DDR2: variants seen among roughly 807,000 people sequenced by gnomAD.
DDR2 encodes the protein discoidin domain-containing receptor 2.
DDR2 carries 27 observed loss-of-function variants against 94.9 expected under a neutral mutation model. The ratio of observed to expected loss-of-function variants is 0.28; its 90% CI spans 0.21 to 0.39. The LOEUF (loss-of-function observed/expected upper bound fraction) is 0.39. Ranked by LOEUF, DDR2 falls within the 10% of genes least tolerant of loss-of-function variation. DDR2 has a pLI of 1.00. For missense variants in DDR2, 783 were observed against 1,076.0 expected (o/e 0.73, Z 3.81); for synonymous variants, 382 against 377.2 (o/e 1.01, Z -0.15).
chr1:162,731,979 G>T (rs914464422), intron 3 of DDR2, among the ~76,000 whole-genome samples: 8 of 152,188 alleles, frequency 5.3e-5, no homozygotes, highest in African/African-American at 1.9e-4. Context: ...GGGGAAAGGA[G>T]ATACTATTTA....
At chr1:162,746,417 G>A (rs1304779577) in intron 3 of DDR2, among the ~76,000 whole-genome samples, 1 of 152,224 alleles carries the variant, frequency 6.6e-6, no homozygotes, top group Non-Finnish European at 1.5e-5. Flanking sequence ...AGCGAGGCTG[G>A]GGGAGGGGCC....
intron 3 of DDR2, among the ~76,000 whole-genome samples, chr1:162,730,410 A>G (rs371601734): frequency 2.6e-5 from 4 of 152,308 alleles, no homozygotes; most frequent in African/African-American, 9.6e-5. Flanking sequence ...TACATAAAGG[A>G]AAATGTGGTT....
chr1:162,688,850 C>A (rs12036048), intron 2 of DDR2, among the ~76,000 whole-genome samples: 1 of 152,010 alleles, frequency 6.6e-6, no homozygotes, highest in Non-Finnish European at 1.5e-5. Flanking sequence ...TCCCTTGGCA[C>A]CTGCCAGTCA....
intron 2 of DDR2, among the ~76,000 whole-genome samples, chr1:162,664,624 A>G (rs933769988): frequency 6.6e-6 from 1 of 152,220 alleles, no homozygotes; most frequent in Non-Finnish European, 1.5e-5. Flanking sequence ...ACAATCAATG[A>G]TGTAAAAGTA....
At chr1:162,680,294 G>A (rs1659340771) in intron 2 of DDR2, among the ~76,000 whole-genome samples, 1 of 152,118 alleles carries the variant, frequency 6.6e-6, no homozygotes, top group Non-Finnish European at 1.5e-5. Context: ...AATCCATCTT[G>A]AGTTGATTTT....
chr1:162,712,077 T>A (rs1660941411), intron 2 of DDR2, among the ~76,000 whole-genome samples: 1 of 151,796 alleles, frequency 6.6e-6, no homozygotes, highest in Non-Finnish European at 1.5e-5. Flanking sequence ...CCAAGGTTCC[T>A]AGCTGTGTCC....
intron 10 of DDR2, 131 bp downstream of exon 10, chr1:162,766,194 T>C: frequency 1.1e-6 from 1 of 918,708 alleles, no homozygotes; most frequent in Non-Finnish European, 1.8e-6. Flanking sequence ...AGAGTAGCCC[T>C]GGAAAGGTAG....
chr1:162,764,662 A>G (rs1327550585), intron 9 of DDR2, among the ~76,000 whole-genome samples: 1 of 152,022 alleles, frequency 6.6e-6, no homozygotes, highest in African/African-American at 2.4e-5. Flanking sequence ...TCCTGTCTCT[A>G]TAAAAAACAC....
At chr1:162,742,785 GC>G (rs1161559866) in intron 3 of DDR2, among the ~76,000 whole-genome samples, 2 of 152,166 alleles carry the variant, frequency 1.3e-5, no homozygotes, top group Non-Finnish European at 2.9e-5. Flanking sequence ...GTTCCACATA[GC>G]CGGGGAGGCC....
intron 7 of DDR2, among the ~76,000 whole-genome samples, chr1:162,758,504 T>G (rs1005769933): frequency 2.6e-4 from 40 of 152,326 alleles, no homozygotes; most frequent in African/African-American, 8.9e-4. Flanking sequence ...CATAAAACTT[T>G]CCTGGGATTT....
In DDR2 at chr1:162,785,774, G is replaced by C. The variant is rs1195012146; in HGVS notation, c.*5528G>C. On this transcript the variant is annotated 3_prime_UTR_variant, in exon 18 of 18. Coordinates refer to ENST00000367921, the MANE Select transcript of DDR2 (RefSeq NM_006182.4). ...TGAGGAAAGAGAAAAAAATTACTCAGACTTGTTCCTGGTGAAGTGCATTCT... is the reference window on the plus strand; with the variant it reads ...TGAGGAAAGAGAAAAAAATTACTCACACTTGTTCCTGGTGAAGTGCATTCT... 6.6e-6 allele frequency: 1 copy of C among 152,196 alleles called. No homozygotes were observed. The highest frequency in any genetic ancestry group is 1.5e-5 in the Non-Finnish European group (1 of 68,034). The allele number at this position is 152,196 out of a possible 1,614,324, so 9.4% of individuals were successfully genotyped here.
chr1:162,657,416 A>G, intron 2 of DDR2, among the ~76,000 whole-genome samples: 1 of 152,172 alleles, frequency 6.6e-6, no homozygotes, highest in Non-Finnish European at 1.5e-5. Context: ...ATTAATAGGG[A>G]GACCAAATAA....
intron 1 of DDR2, among the ~76,000 whole-genome samples, chr1:162,654,447 A>C (rs1024803384): frequency 6.6e-6 from 1 of 152,234 alleles, no homozygotes; most frequent in Non-Finnish European, 1.5e-5. Flanking sequence ...CCCTGTCTAA[A>C]GAATACAACA....
chr1:162,676,621 C>T (rs1427804655), intron 2 of DDR2, among the ~76,000 whole-genome samples: 1 of 152,210 alleles, frequency 6.6e-6, no homozygotes, highest in Non-Finnish European at 1.5e-5. Context: ...ATTTTGGAAA[C>T]AACAGCAATA....
chr1:162,785,068 A>C lies in DDR2; in HGVS notation c.*4822A>C, dbSNP rs919452234. ...TTGTCATGAGCAATACCCTGCCTAC[A>C]CTGCTTCTAAATTTTCTGATTTGTT... On this transcript the variant is annotated 3_prime_UTR_variant, in exon 18 of 18. Transcript: ENST00000367921. 1 of 152,206 alleles carries C rather than the reference A, an allele frequency of 6.6e-6. No individual in the cohort carries two copies. The highest frequency in any genetic ancestry group is 2.4e-5 in the African/African-American group (1 of 41,452). The allele number at this position is 152,206 out of a possible 1,614,324, so 9.4% of individuals were successfully genotyped here. A position where few individuals can be genotyped will look rare whatever the true frequency, so the allele number is the denominator to read the frequency against.
intron 3 of DDR2, among the ~76,000 whole-genome samples, chr1:162,747,057 G>C (rs1247777611): frequency 6.6e-6 from 1 of 152,160 alleles, no homozygotes; most frequent in Non-Finnish European, 1.5e-5. Context: ...ACAAAGATGG[G>C]GAGAAACCAG....
At chr1:162,743,384 G>A (rs1387625763) in intron 3 of DDR2, among the ~76,000 whole-genome samples, 1 of 151,982 alleles carries the variant, frequency 6.6e-6, no homozygotes, top group Non-Finnish European at 1.5e-5. Flanking sequence ...CTTGATTTTT[G>A]CTACTTCTCC....
At chr1:162,725,637 A>G (rs1661625502) in intron 3 of DDR2, among the ~76,000 whole-genome samples, 1 of 152,172 alleles carries the variant, frequency 6.6e-6, no homozygotes, top group Non-Finnish European at 1.5e-5. Flanking sequence ...CTGGGATTAC[A>G]GGCATGAGCC....
At chr1:162,716,310 G>A (rs916196426) in intron 2 of DDR2, among the ~76,000 whole-genome samples, 1 of 152,108 alleles carries the variant, frequency 6.6e-6, no homozygotes, top group Non-Finnish European at 1.5e-5. Flanking sequence ...AGGAGAGGGC[G>A]GTGAGCCAAG....
Sources: allele counts gnomAD v4.1 joint callset (sites outside exome capture counted in the v4.1 genomes callset), GRCh38; gene constraint gnomAD v4.1.1; transcripts MANE v1.5; gene names NCBI Gene and HGNC (gene_info 2026-07-23, HGNC 2026-07-21).